The following SORCS1 variants were observed in gnomAD, a reference collection of about 807,000 sequenced individuals.
The protein encoded by SORCS1 is sortilin related VPS10 domain containing receptor 1.
In SORCS1, 60 loss-of-function variants were observed where a neutral mutation model predicts 146.1. The observed-to-expected ratio is 0.41, with a 90% CI of 0.33 to 0.51. SORCS1 has a LOEUF of 0.51. Among genes scored for constraint, SORCS1 ranks in the 20% least tolerant of loss-of-function variants. SORCS1 has a pLI of 0.21. For missense variants in SORCS1, 1,352 were observed against 1,487.6 expected (o/e 0.91, Z 1.50); for synonymous variants, 637 against 584.0 (o/e 1.09, Z -1.31).
chr10:106,954,360 A>C (rs1280573097), intron 2 of SORCS1, among the ~76,000 whole-genome samples: 2 of 152,202 alleles, frequency 1.3e-5, no homozygotes, highest in African/African-American at 4.8e-5. Context: ...AGAGTCACAG[A>C]GATTCTGATG....
At chr10:106,703,253 G>C (rs563700512) in intron 8 of SORCS1, among the ~76,000 whole-genome samples, 2 of 151,320 alleles carry the variant, frequency 1.3e-5, no homozygotes, top group South Asian at 4.2e-4. Flanking sequence ...GACAGATCTG[G>C]GTCCCTAATC....
intron 5 of SORCS1, among the ~76,000 whole-genome samples, chr10:106,738,909 A>G (rs1857157566): frequency 6.6e-6 from 1 of 152,000 alleles, no homozygotes; most frequent in African/African-American, 2.4e-5. Flanking sequence ...GCTGGTCTTG[A>G]ACTCCTGGAC....
At chr10:106,688,830 G>A (rs1853076516) in intron 9 of SORCS1, among the ~76,000 whole-genome samples, 1 of 152,142 alleles carries the variant, frequency 6.6e-6, no homozygotes, top group African/African-American at 2.4e-5. Flanking sequence ...CTGCCCAAGG[G>A]CACACAGTAA....
At chr10:106,910,328 T>C (rs79322706) in intron 2 of SORCS1, among the ~76,000 whole-genome samples, 1 of 103,540 alleles carries the variant, frequency 9.7e-6, no homozygotes, top group Non-Finnish European at 2.0e-5. Context: ...ACAGTATATA[T>C]ATATAGAGAG....
intron 2 of SORCS1, among the ~76,000 whole-genome samples, chr10:106,841,094 T>A (rs1949018271): frequency 6.6e-6 from 1 of 151,534 alleles, no homozygotes. Flanking sequence ...GACCTCATGA[T>A]CCGCCTGCCT....
intron 2 of SORCS1, among the ~76,000 whole-genome samples, chr10:106,860,892 A>C (rs1452755140): frequency 6.6e-6 from 1 of 152,156 alleles, no homozygotes; most frequent in Non-Finnish European, 1.5e-5. Context: ...AACTAGTTCA[A>C]CTGTATTAAA....
intron 3 of SORCS1, 121 bp from the exon 4 acceptor site, chr10:106,776,813 C>T (rs934891082): frequency 1.1e-6 from 1 of 945,430 alleles, no homozygotes; most frequent in Non-Finnish European, 1.6e-6. Context: ...AATGCTTGGC[C>T]AAACAGGGAC....
In SORCS1 at chr10:106,995,422, C is replaced by T. The variant is rs567209127; in HGVS notation, c.559-38842G>A. Among the ~76,000 whole-genome samples the T allele has an allele frequency of 1.1e-4, 16 of 151,690 alleles. No homozygotes were observed. The South Asian group carries it at 2.7e-3, about 26-fold the overall frequency. ...CTGTCTGGATGGGCAGGAAAAGTAA[C>T]GGGATTTGTTCAGCAGGTTGTATTG... On this transcript the variant is annotated intron_variant, in intron 1 of 25. Transcript: ENST00000263054.
chr10:106,901,826 G>A (rs1951717564), intron 2 of SORCS1, among the ~76,000 whole-genome samples: 1 of 152,060 alleles, frequency 6.6e-6, no homozygotes, highest in Admixed American at 6.6e-5. Context: ...GGTGGATCAC[G>A]AGGTCAGGAG....
chr10:106,796,979 T>C (rs776681089), intron 3 of SORCS1, among the ~76,000 whole-genome samples: 30 of 152,116 alleles, frequency 2.0e-4, no homozygotes, highest in East Asian at 3.9e-4. Flanking sequence ...TGGTGGCGGG[T>C]GCCTGTAGTC....
At chr10:106,727,122 C>T (rs566340002) in intron 6 of SORCS1, among the ~76,000 whole-genome samples, 1 of 151,930 alleles carries the variant, frequency 6.6e-6, no homozygotes, top group South Asian at 2.1e-4. Flanking sequence ...TGCAGACTGT[C>T]AGGCCCCTAC....
At chr10:106,674,964 C>A in intron 14 of SORCS1, 85 bp downstream of exon 14, 1 of 1,063,550 alleles carries the variant, frequency 9.4e-7, no homozygotes, top group South Asian at 1.5e-5. Flanking sequence ...CTAACAGCTG[C>A]AAATCAAACA....
intron 2 of SORCS1, among the ~76,000 whole-genome samples, chr10:106,856,786 G>A (rs1949804182): frequency 6.6e-6 from 1 of 152,166 alleles, no homozygotes; most frequent in South Asian, 2.1e-4. Flanking sequence ...TACTGTTTAA[G>A]TTTTTGTAAC....
At chr10:106,903,009 T>A (rs1951775706) in intron 2 of SORCS1, among the ~76,000 whole-genome samples, 1 of 152,060 alleles carries the variant, frequency 6.6e-6, no homozygotes, top group South Asian at 2.1e-4. Flanking sequence ...ACTCAGGAGG[T>A]GGAGGTTGCA....
chr10:107,011,796 T>A (rs183837041), intron 1 of SORCS1, among the ~76,000 whole-genome samples: 1 of 152,306 alleles, frequency 6.6e-6, no homozygotes, highest in East Asian at 1.9e-4. Flanking sequence ...CCAGGCTGTT[T>A]TACTGTATGC....
intron 1 of SORCS1, among the ~76,000 whole-genome samples, chr10:106,964,288 C>T (rs551083836): frequency 6.6e-6 from 1 of 151,942 alleles, no homozygotes; most frequent in Admixed American, 6.5e-5. Context: ...CAGAAGACGA[C>T]CAGATTTTGA....
chr10:106,769,498 A>G lies in SORCS1; in HGVS notation c.885+7036T>C, dbSNP rs531443476. 1.5e-3 allele frequency among the ~76,000 whole-genome samples: 229 copies of G among 151,598 alleles called. 1 individual carries two copies. The highest frequency in any genetic ancestry group is 3.3e-3 in the Admixed American group (51 of 15,230). On this transcript the variant is annotated intron_variant, in intron 4 of 25. Coordinates refer to ENST00000263054, the MANE Select transcript of SORCS1 (RefSeq NM_052918.5). ...AGACTCCGTCTCAAAAAAAAAAAAA[A>G]AAAGAAAGAAAGAAAGGAACAATTA...
At chr10:106,944,177 G>T (rs1954195010) in intron 2 of SORCS1, among the ~76,000 whole-genome samples, 1 of 152,160 alleles carries the variant, frequency 6.6e-6, no homozygotes, top group African/African-American at 2.4e-5. Context: ...TGACACCAAG[G>T]TAATTTTTTG....
chr10:106,858,583 G>C (rs1189438393), intron 2 of SORCS1, among the ~76,000 whole-genome samples: 1 of 138,388 alleles, frequency 7.2e-6, no homozygotes, highest in Admixed American at 8.1e-5. Context: ...ACTCCAGCCT[G>C]GGAGACAGAG....
Sources: gnomAD v4.1 joint callset for allele counts (sites outside exome capture counted in the v4.1 genomes callset) on GRCh38, gnomAD v4.1.1 for gene constraint, MANE v1.5 for transcripts, NCBI Gene and HGNC (gene_info 2026-07-23, HGNC 2026-07-21) for gene names.